The following PCDHAC1 variants were observed in gnomAD, a reference collection of about 807,000 sequenced individuals.
PCDHAC1 encodes protocadherin alpha-C1.
Under a neutral mutation model 60.0 loss-of-function variants are expected in PCDHAC1, and 42 were observed. The ratio of observed to expected loss-of-function variants is 0.70; its 90% CI spans 0.55 to 0.90. PCDHAC1 has a LOEUF of 0.90. PCDHAC1 is among the 40% of genes least tolerant of loss of function. The pLI, the probability that PCDHAC1 is intolerant of heterozygous loss-of-function variation, is 0.00. For missense variants in PCDHAC1, 1,160 were observed against 1,222.3 expected, an observed-to-expected ratio of 0.95 and a Z score of 0.76; for synonymous variants, 468 against 499.3, an observed-to-expected ratio of 0.94 and a Z score of 0.84.
chr5:140,928,323 T>C lies in PCDHAC1; in HGVS notation c.1431T>C (p.Asn477=). The change falls in exon 1 of 4, where the codon AAT becomes AAC. Residue 477 remains asparagine, a synonymous_variant. Coordinates refer to ENST00000253807, the MANE Select transcript of PCDHAC1 (RefSeq NM_018898.5). ...CCCAGGACCCCGACCTGGGGAAGAA[T>C]GGCCTTGTCTCTTATGAGCTGTTGG... ...VFAQDPDLGK[N]GLVSYELLDV... The C allele has an allele frequency of 1.2e-6, 2 of 1,614,178 alleles. No individual in the cohort carries two copies. Among genetic ancestry groups the C allele is most frequent in the Non-Finnish European group, 1.7e-6 (2 of 1,180,046 alleles).
At chr5:140,982,748 G>C (rs2097001127) in intron 3 of PCDHAC1, among the ~76,000 whole-genome samples, 185 bp downstream of exon 3, 1 of 151,896 alleles carries the variant, frequency 6.6e-6, no homozygotes, top group African/African-American at 2.4e-5. Flanking sequence ...TGCTCTTCAG[G>C]AGTTGAAAAA....
chr5:140,944,410 C>G (rs1339076109), intron 1 of PCDHAC1, among the ~76,000 whole-genome samples: 1 of 152,272 alleles, frequency 6.6e-6, no homozygotes, highest in Middle Eastern at 3.4e-3. Flanking sequence ...TGGTCTCGAA[C>G]TCCTGATCTG....
chr5:140,927,385 C>G lies in PCDHAC1; in HGVS notation c.493C>G (p.Pro165Ala). Residue 165 changes from proline (P) to alanine (A), a missense_variant, in exon 1 of 4, where the codon CCC (proline) becomes GCC (alanine). Physicochemically the swap from Pro to Ala is conservative, Grantham distance 27 (BLOSUM62 -1). Transcript: ENST00000253807. ...TGGGATACTAAGCTACAGCCTAAGC[C>G]CCAGTCAGCACTTTCGCCTGGACAT... ...SNGILSYSLSPSQHFRLDMGS... is the reference protein window; with the variant it reads ...SNGILSYSLSASQHFRLDMGS... 1 of 1,614,098 alleles carries G rather than the reference C, an allele frequency of 6.2e-7. No homozygotes were observed. The highest frequency in any genetic ancestry group is 2.2e-5 in the East Asian group (1 of 44,878).
chr5:140,968,709 T>C lies in PCDHAC1; in HGVS notation c.2434-10240T>C, dbSNP rs2153773320. ...GGAGAAATTAGGACTACCAGGAAGA[T>C]GGGAGATGAGAGTGGTAGCACTTTC... On this transcript the variant is annotated intron_variant, in intron 1 of 3. Coordinates refer to ENST00000253807, the MANE Select transcript of PCDHAC1 (RefSeq NM_018898.5). The C allele has an allele frequency of 1.9e-6, 3 of 1,614,030 alleles. No homozygotes were observed. In the East Asian group the frequency reaches 6.7e-5, roughly 36 times the overall value.
Position 140,928,948 on chromosome 5 carries a change from A to G in PCDHAC1, c.2056A>G (p.Ile686Val). The G allele has an allele frequency of 1.2e-6, 2 of 1,614,032 alleles. No homozygotes were observed. The highest frequency in any genetic ancestry group is 1.7e-6 in the Non-Finnish European group (2 of 1,180,006). Residue 686 changes from isoleucine (I) to valine (V), a missense_variant, in exon 1 of 4, where the codon ATT becomes GTT. Transcript: ENST00000253807. The stretch of plus-strand genomic sequence containing the variant: ...TTCTGCCCAGAACTTGTATTTAGTA[A>G]TTGCCTTGGCTTGTATTTCCTTTTT... The part of the protein sequence containing the change: ...QLSAQNLYLV[I>V]ALACISFLFL...
Position 140,928,158 on chromosome 5 carries a change from AC to A in PCDHAC1, c.1271del (p.Pro424HisfsTer15). 4.3e-6 allele frequency: 7 copies of A among 1,614,066 alleles called. No individual in the cohort carries two copies. Among genetic ancestry groups the A allele is most frequent in the Non-Finnish European group, 5.9e-6 (7 of 1,180,030 alleles). On this transcript the variant is annotated frameshift_variant, in exon 1 of 4. Coordinates refer to ENST00000253807, the MANE Select transcript of PCDHAC1 (RefSeq NM_018898.5). LOFTEE classifies it high-confidence loss of function. ...TGATCACGGCCTCAGATAGTGGCTC[AC>A]CCCCACTTAGCACCCGAAGGACAAT... is the stretch of plus-strand genomic sequence containing the variant. ...VLITASDSGS[P>X]PLSTRRTITV... is the part of the protein sequence containing the mutation.
chr5:140,944,301 C>T (rs1320988632), intron 1 of PCDHAC1, among the ~76,000 whole-genome samples: 1 of 152,176 alleles, frequency 6.6e-6, no homozygotes, highest in Non-Finnish European at 1.5e-5. Flanking sequence ...GATCCTCCTA[C>T]CTCAGCCTCC....
intron 3 of PCDHAC1, among the ~76,000 whole-genome samples, chr5:140,991,357 T>G (rs1409351374): frequency 2.6e-5 from 4 of 152,258 alleles, no homozygotes; most frequent in African/African-American, 9.6e-5. Flanking sequence ...AAAGACTATT[T>G]ACTGTCTGAG....
chr5:140,977,464 T>C (rs1245985019), intron 1 of PCDHAC1, among the ~76,000 whole-genome samples: 1 of 152,256 alleles, frequency 6.6e-6, no homozygotes, highest in Non-Finnish European at 1.5e-5. Flanking sequence ...TGATTTGGTC[T>C]GTAGATAATT....
In PCDHAC1 at chr5:140,970,874, G is replaced by A. The variant is rs191123160; in HGVS notation, c.2434-8075G>A. On this transcript the variant is annotated intron_variant, in intron 1 of 3. Coordinates refer to ENST00000253807, the MANE Select transcript of PCDHAC1 (RefSeq NM_018898.5). ...AAAGTTCCATTCCTGATTGAGAGTA[G>A]ATTTTTCTCATGGACATTTCAGATA... Among the ~76,000 whole-genome samples the A allele has an allele frequency of 1.6e-4, 24 of 152,250 alleles. No individual in the cohort carries two copies. The East Asian group carries it at 2.7e-3, about 17-fold the overall frequency.
intron 1 of PCDHAC1, 66 bp from the exon 2 acceptor site, chr5:140,978,883 T>C: frequency 6.2e-7 from 1 of 1,611,182 alleles, no homozygotes; most frequent in Non-Finnish European, 8.5e-7. Flanking sequence ...ACTAATCAAT[T>C]AGCAGCATTC....
At chr5:140,952,675 T>A (rs2153696875) in intron 1 of PCDHAC1, among the ~76,000 whole-genome samples, 1 of 152,326 alleles carries the variant, frequency 6.6e-6, no homozygotes, top group East Asian at 1.9e-4. Context: ...ACTTTCACAT[T>A]TTCAGGATCT....
At chr5:140,961,558 A>T (rs1285175060) in intron 1 of PCDHAC1, among the ~76,000 whole-genome samples, 1 of 151,976 alleles carries the variant, frequency 6.6e-6, no homozygotes, top group Admixed American at 6.6e-5. Context: ...TTCTTTTTTT[A>T]AATTTTGTTT....
At chr5:140,972,622 T>C (rs1554234253) in intron 1 of PCDHAC1, among the ~76,000 whole-genome samples, 1 of 151,940 alleles carries the variant, frequency 6.6e-6, no homozygotes, top group African/African-American at 2.4e-5. Flanking sequence ...CTGAATGTTG[T>C]TGGCACTCCC....
intron 3 of PCDHAC1, among the ~76,000 whole-genome samples, chr5:140,984,589 T>C (rs2097109638): frequency 6.6e-6 from 1 of 152,186 alleles, no homozygotes; most frequent in Non-Finnish European, 1.5e-5. Flanking sequence ...ATCATACTTT[T>C]CAATACATAC....
rs146702581 is a variant in PCDHAC1 at position 140,929,720 on chromosome 5, C to T, written c.2433+395C>T. ...TATGAATATAATATGGAAGGTGAAA[C>T]ATTTACTTAAACTATTGCAATGCAT... On this transcript the variant is annotated intron_variant, in intron 1 of 3. Coordinates refer to ENST00000253807, the MANE Select transcript of PCDHAC1 (RefSeq NM_018898.5). The T allele has an allele frequency of 2.8e-3, 635 of 224,158 alleles. 4 individuals are homozygous for T. The highest frequency in any genetic ancestry group is 6.2e-3 in the African/African-American group (270 of 43,802). 13.9% of individuals were successfully genotyped at this position (224,158 alleles called of 1,614,324 possible).
At chr5:140,956,142 T>C (rs1416783643) in intron 1 of PCDHAC1, among the ~76,000 whole-genome samples, 1 of 152,194 alleles carries the variant, frequency 6.6e-6, no homozygotes, top group East Asian at 1.9e-4. Flanking sequence ...CCTTTATTTC[T>C]TTCTCTTTCC....
intron 1 of PCDHAC1, chr5:140,969,351 G>T: frequency 6.2e-7 from 1 of 1,612,990 alleles, no homozygotes; most frequent in Non-Finnish European, 8.5e-7. Flanking sequence ...TGGTCAGGGG[G>T]TCTTCTACAA....
At chr5:140,947,304 T>A (rs1370804451) in intron 1 of PCDHAC1, among the ~76,000 whole-genome samples, 1 of 151,606 alleles carries the variant, frequency 6.6e-6, no homozygotes, top group Admixed American at 6.6e-5. Flanking sequence ...CTTGACATCT[T>A]TGTAAAAAGT....
Sources: allele counts gnomAD v4.1 joint callset (sites outside exome capture counted in the v4.1 genomes callset), GRCh38; gene constraint gnomAD v4.1.1; transcripts MANE v1.5; gene names NCBI Gene and HGNC (gene_info 2026-07-23, HGNC 2026-07-21).